Variants in GTSF1 observed in about 807,000 individuals in gnomAD.
GTSF1 encodes the protein gametocyte specific factor 1.
In GTSF1, 11 loss-of-function variants were observed where a neutral mutation model predicts 28.9. The ratio of observed to expected loss-of-function variants is 0.38; its 90% CI spans 0.24 to 0.63. The LOEUF is 0.63. GTSF1 is among the 30% of genes least tolerant of loss of function. The probability of loss-of-function intolerance (pLI) is 0.56; values close to 1 mark genes in which losing one functional copy is unlikely to be tolerated. For missense variants in GTSF1, 146 were observed against 201.0 expected, an observed-to-expected ratio of 0.73 and a Z score of 1.66; for synonymous variants, 69 against 65.6, an observed-to-expected ratio of 1.05 and a Z score of -0.25.
At chr12:54,463,599 T>C (rs1956459461) in intron 3 of GTSF1, among the ~76,000 whole-genome samples, 1 of 152,222 alleles carries the variant, frequency 6.6e-6, no homozygotes. Flanking sequence ...CTTTCCCCCA[T>C]TTATTTCTCA....
chr12:54,462,745 G>T lies in GTSF1; in HGVS notation c.245-20C>A. On this transcript the variant is annotated intron_variant, in intron 4 of 8. Coordinates refer to ENST00000305879, the MANE Select transcript of GTSF1 (RefSeq NM_144594.3). ...GGTTGACTGCAAGACAATAAAGATT[G>T]GATATAAGAGGGGGATATTGCCAAG... is the stretch of plus-strand genomic sequence containing the variant. 2 of 1,593,154 alleles carry T rather than the reference G, an allele frequency of 1.3e-6. No individual in the cohort carries two copies. The highest frequency in any genetic ancestry group is 1.1e-5 in the South Asian group (1 of 90,320).
chr12:54,456,415 A>G (rs557863089), intron 8 of GTSF1, among the ~76,000 whole-genome samples: 38 of 152,366 alleles, frequency 2.5e-4, no homozygotes, highest in African/African-American at 9.1e-4. Context: ...GAGTTTTACA[A>G]GTGAGGAGAA....
chr12:54,463,730 T>C (rs774899853), intron 3 of GTSF1, among the ~76,000 whole-genome samples: 3 of 152,158 alleles, frequency 2.0e-5, no homozygotes, highest in African/African-American at 7.2e-5. Flanking sequence ...TGCAGTAGTG[T>C]CCCTGCTATT....
chr12:54,465,222 A>AG, intron 2 of GTSF1, 55 bp from the exon 3 acceptor site: 1 of 1,176,250 alleles, frequency 8.5e-7, no homozygotes, highest in African/African-American at 1.5e-5. Flanking sequence ...TTGTAAAACT[A>AG]CAGCATTCCA....
chr12:54,461,272 T>A (rs887091428), intron 6 of GTSF1, among the ~76,000 whole-genome samples: 31 of 151,864 alleles, frequency 2.0e-4, no homozygotes, highest in African/African-American at 2.9e-4. Context: ...TTTTTTTTTT[T>A]AATTTTTTTG....
intron 5 of GTSF1, among the ~76,000 whole-genome samples, 153 bp downstream of exon 5, chr12:54,462,489 C>G (rs751335661): frequency 1.3e-5 from 2 of 152,086 alleles, no homozygotes; most frequent in South Asian, 4.1e-4. Context: ...GTCTGCACAG[C>G]GATACAAATG....
Position 54,471,130 on chromosome 12 carries a change from T to C in GTSF1, c.16+103A>G, listed in dbSNP as rs190815342. The C allele has an allele frequency of 7.3e-6, 6 of 819,510 alleles. No individual in the cohort carries two copies. The East Asian group carries it at 8.7e-5, about 12-fold the overall frequency. 50.8% of individuals were successfully genotyped at this position (819,510 alleles called of 1,614,324 possible). A position where few individuals can be genotyped will look rare whatever the true frequency, so the allele number is the denominator to read the frequency against. ...CATAAAGACTTTTCCTCCTTAGCAGTTGAGAAGTCCGACTTCTTCCCAGCA... is the reference window on the plus strand; with the variant it reads ...CATAAAGACTTTTCCTCCTTAGCAGCTGAGAAGTCCGACTTCTTCCCAGCA... On this transcript the variant is annotated intron_variant, in intron 2 of 8. Coordinates refer to ENST00000305879, the MANE Select transcript of GTSF1 (RefSeq NM_144594.3).
chr12:54,458,988 T>A, intron 8 of GTSF1, 101 bp downstream of exon 8: 1 of 746,740 alleles, frequency 1.3e-6, no homozygotes, highest in East Asian at 2.6e-5. Flanking sequence ...AGCTTTAATT[T>A]GGTACCATAA....
At chr12:54,460,525 A>G (rs1565657717) in intron 6 of GTSF1, 54 bp from the exon 7 acceptor site, 2 of 1,155,384 alleles carry the variant, frequency 1.7e-6, no homozygotes, top group South Asian at 1.3e-5. Flanking sequence ...TCAAGCAGGC[A>G]CACGTAAGAT....
intron 7 of GTSF1, chr12:54,459,329 T>C: frequency 1.4e-6 from 2 of 1,441,268 alleles, no homozygotes; most frequent in South Asian, 1.4e-5. Context: ...TTTTGACATA[T>C]AATTTGGTGA....
intron 2 of GTSF1, among the ~76,000 whole-genome samples, chr12:54,465,510 T>C (rs542951373): frequency 2.0e-4 from 31 of 152,276 alleles, no homozygotes; most frequent in South Asian, 1.9e-3. Flanking sequence ...TCCTATTCTC[T>C]AGCTAGTCTA....
At chr12:54,466,692 G>C (rs1956517586) in intron 2 of GTSF1, 1 of 151,868 alleles carries the variant, frequency 6.6e-6, no homozygotes, top group Non-Finnish European at 1.5e-5. Flanking sequence ...TGCCCATATA[G>C]TAGCATATGT....
At chr12:54,456,741 T>C (rs1592312641) in intron 8 of GTSF1, among the ~76,000 whole-genome samples, 1 of 152,336 alleles carries the variant, frequency 6.6e-6, no homozygotes, top group East Asian at 1.9e-4. Context: ...TTTTATTTCT[T>C]TTGTATCCTT....
chr12:54,468,755 A>G (rs1956555696), intron 2 of GTSF1: 1 of 152,236 alleles, frequency 6.6e-6, no homozygotes, highest in Admixed American at 6.5e-5. Context: ...AATCTGTAAG[A>G]TTAAGCTGGA....
chr12:54,468,412 T>A (rs1221753068), intron 2 of GTSF1, among the ~76,000 whole-genome samples: 2 of 152,186 alleles, frequency 1.3e-5, no homozygotes, highest in Admixed American at 1.3e-4. Context: ...TAAGCCACCG[T>A]GCCCGGCCAA....
chr12:54,464,327 G>C (rs949705979), intron 3 of GTSF1, among the ~76,000 whole-genome samples: 1 of 152,154 alleles, frequency 6.6e-6, no homozygotes, highest in Non-Finnish European at 1.5e-5. Context: ...CCTTGCTCTC[G>C]AGATTAAAAG....
chr12:54,467,893 C>T (rs1211780201), intron 2 of GTSF1, among the ~76,000 whole-genome samples: 1 of 151,836 alleles, frequency 6.6e-6, no homozygotes, highest in African/African-American at 2.4e-5. Flanking sequence ...CCTGCCTCAG[C>T]CTCCCAAATA....
intron 2 of GTSF1, among the ~76,000 whole-genome samples, chr12:54,469,998 C>A (rs552359921): frequency 6.6e-6 from 1 of 152,076 alleles, no homozygotes; most frequent in African/African-American, 2.4e-5. Context: ...CGGTGAAACC[C>A]GGCCGGTCTC....
intron 6 of GTSF1, among the ~76,000 whole-genome samples, chr12:54,461,411 C>T (rs987836260): frequency 6.6e-6 from 1 of 152,070 alleles, no homozygotes; most frequent in East Asian, 1.9e-4. Flanking sequence ...TCAATTAGAG[C>T]TGGGCATGAG....
Sources: gnomAD v4.1 joint callset for allele counts (sites outside exome capture counted in the v4.1 genomes callset) on GRCh38, gnomAD v4.1.1 for gene constraint, MANE v1.5 for transcripts, NCBI Gene and HGNC (gene_info 2026-07-23, HGNC 2026-07-21) for gene names.